The following DVL2 variants were observed in gnomAD, a reference collection of about 807,000 sequenced individuals.
The protein encoded by DVL2 is dishevelled segment polarity protein 2, also known as segment polarity protein dishevelled homolog DVL-2.
A neutral mutation model predicts 69.8 loss-of-function variants in DVL2; 38 were observed. The ratio of observed to expected loss-of-function variants is 0.54; its 90% CI spans 0.42 to 0.71. The LOEUF (loss-of-function observed/expected upper bound fraction) is 0.71, where lower values mean the gene tolerates loss of function less well. Ranked by LOEUF, DVL2 falls within the 30% of genes least tolerant of loss-of-function variation. The pLI is 0.00. For synonymous variants in DVL2, 428 were observed against 392.4 expected (o/e 1.09, Z -1.07); for missense variants, 931 against 1,008.1 (o/e 0.92, Z 1.04).
Position 7,226,610 on chromosome 17 carries a change from CGTT to C in DVL2, c.1570_1572del (p.Asn524del). 4 of 1,580,722 alleles carry C rather than the reference CGTT, an allele frequency of 2.5e-6. No homozygotes were observed. The highest frequency in any genetic ancestry group is 3.4e-6 in the Non-Finnish European group (4 of 1,165,830). ...TGGTCTGAAGCCCCACTGGAGCCATCGTTGTCATTGAGAGACAGGTTGACTAGG... is the reference window on the plus strand; with the variant it reads ...TGGTCTGAAGCCCCACTGGAGCCATCGTCATTGAGAGACAGGTTGACTAGG... On this transcript the variant is annotated inframe_deletion, in exon 14 of 15. Coordinates refer to ENST00000005340, the MANE Select transcript of DVL2 (RefSeq NM_004422.3).
At chr17:7,228,136 A>C in intron 9 of DVL2, 92 bp from the exon 10 acceptor site, 1 of 1,073,320 alleles carries the variant, frequency 9.3e-7, no homozygotes. Flanking sequence ...AAGAGACACA[A>C]AGAGGGGGAG....
intron 9 of DVL2, chr17:7,228,633 T>C (rs1408731523): frequency 3.7e-6 from 1 of 268,034 alleles, no homozygotes; most frequent in Non-Finnish European, 7.2e-6. Context: ...CAGGCTGGAG[T>C]GCAGTGGCGT....
chr17:7,233,384 T>C (rs979789467), intron 1 of DVL2, among the ~76,000 whole-genome samples: 2 of 152,028 alleles, frequency 1.3e-5, no homozygotes, highest in African/African-American at 2.4e-5. Context: ...AACCAAGTCT[T>C]GCCCCAAGAG....
intron 14 of DVL2, 33 bp downstream of exon 14, chr17:7,226,388 T>C: frequency 6.5e-7 from 1 of 1,531,224 alleles, no homozygotes; most frequent in Non-Finnish European, 8.8e-7. Context: ...CACCCTCAGA[T>C]CCTGGCCGTA....
Position 7,229,247 on chromosome 17 carries a change from A to G in DVL2, c.845T>C (p.Ile282Thr). The G allele has an allele frequency of 6.2e-7, 1 of 1,614,132 alleles. No homozygotes were observed. Among genetic ancestry groups the G allele is most frequent in the Non-Finnish European group, 8.5e-7 (1 of 1,180,022 alleles). ...MEKYNFLGIS[I>T]VGQSNERGDG... is the part of the protein sequence containing the mutation. ...TCCCCGCTCATTGCTCTGGCCAACA[A>G]TGGAGATACCCAGGAAGTTGTACTT... The change falls in exon 8 of 15, where the codon ATT becomes ACT. Residue 282 changes from isoleucine to threonine, a missense_variant. Around this residue, in one of 3 missense-constraint regions of DVL2, gnomAD observed 555 missense variants for 588.8 expected, o/e 0.94. Coordinates refer to ENST00000005340, the MANE Select transcript of DVL2 (RefSeq NM_004422.3). This position sits in a 1 kb window ranked among gnomAD's most constrained non-coding sequence, Gnocchi z 4.4.
chr17:7,228,851 G>A, intron 9 of DVL2, 118 bp downstream of exon 9: 1 of 1,022,926 alleles, frequency 9.8e-7, no homozygotes, highest in Middle Eastern at 3.1e-4. Flanking sequence ...CAAAGTGCTG[G>A]GTTTACAGGC....
At chr17:7,230,512 G>T in intron 2 of DVL2, 82 bp from the exon 3 acceptor site, 2 of 1,562,730 alleles carry the variant, frequency 1.3e-6, no homozygotes, top group Admixed American at 1.8e-5. Context: ...AATGAGAAAG[G>T]GTCTCAGAGA....
In DVL2 at chr17:7,226,511, G is replaced by A; in HGVS notation, c.1672C>T (p.Pro558Ser). ...GGAGGCTGCGGGCTGTAGGGGTGTG[G>A]GGCAGGGTATTGGTAGGAGAAAGTG... ...LPTFSYQYPA[P>S]HPYSPQPPPY... The change falls in exon 14 of 15, where the codon CCA becomes TCA. Residue 558 changes from proline (P) to serine (S), a missense_variant. This residue lies in a region of DVL2 where 314 missense variants were observed against 313.7 expected (regional missense o/e 1.00). Transcript: ENST00000005340. 1 of 1,603,118 alleles carries A rather than the reference G, an allele frequency of 6.2e-7. No individual in the cohort carries two copies. The highest frequency in any genetic ancestry group is 1.1e-5 in the South Asian group (1 of 89,704).
Position 7,230,267 on chromosome 17 carries a change from AG to A in DVL2, c.410+17del. The A allele has an allele frequency of 6.2e-7, 1 of 1,613,958 alleles. No individual in the cohort carries two copies. Among genetic ancestry groups the A allele is most frequent in the African/African-American group, 1.3e-5 (1 of 75,020 alleles). ...TCCTCACCTCCCTCCCCTGCAGTCA[AG>A]AATCTGAAGGACTCACTGGAAGGAT... On this transcript the variant is annotated intron_variant, in intron 3 of 14. Transcript: ENST00000005340.
Position 7,225,496 on chromosome 17 carries a change from A to T in DVL2, c.*369T>A. ...TACCGCTGACCACCCCCAACCCTGC[A>T]AAGGGCAGGGCTGTGGGTAACTGGA... On this transcript the variant is annotated 3_prime_UTR_variant, in exon 15 of 15. Transcript: ENST00000005340. The T allele has an allele frequency of 2.4e-6, 1 of 418,590 alleles. No homozygotes were observed. Among genetic ancestry groups the T allele is most frequent in the Non-Finnish European group, 4.4e-6 (1 of 228,300 alleles). The allele number at this position is 418,590 out of a possible 1,614,324, so 25.9% of individuals were successfully genotyped here.
rs764534021 is a variant in DVL2, at chr17:7,229,877, G to C, written c.587C>G (p.Ser196Cys). The C allele has an allele frequency of 1.2e-6, 2 of 1,611,506 alleles. No individual in the cohort carries two copies. Among genetic ancestry groups the C allele is most frequent in the Admixed American group, 3.3e-5 (2 of 60,024 alleles). The change falls in exon 5 of 15, where the codon TCT becomes TGT. Residue 196 changes from serine to cysteine, a missense_variant. This residue lies in a region of DVL2 where 555 missense variants were observed against 588.8 expected (regional missense o/e 0.94). Transcript: ENST00000005340. The surrounding 1 kb of genome is among the most constrained non-coding windows in gnomAD (Gnocchi z 4.4). ...ERHLAGYESSSTLMTSELEST... is the reference protein window; with the variant it reads ...ERHLAGYESSCTLMTSELEST... ...CTCCAGCTCGCTGGTCATGAGGGTA[G>C]AGGAGCTCTCGTATCCGGCCAGGTG... is the stretch of plus-strand genomic sequence containing the variant.
At chr17:7,230,551 G>A in intron 2 of DVL2, 121 bp from the exon 3 acceptor site, 16 of 1,411,680 alleles carry the variant, frequency 1.1e-5, no homozygotes, top group Admixed American at 2.1e-5. Context: ...AACCTAGCAA[G>A]TATTAGAGAC....
rs778942785 is a variant in DVL2, at chr17:7,229,560, C to T, written c.747+28G>A. 5 of 1,593,566 alleles carry T rather than the reference C, an allele frequency of 3.1e-6. No homozygotes were observed. Among genetic ancestry groups the T allele is most frequent in the Non-Finnish European group, 2.6e-6 (3 of 1,169,624 alleles). ...AAGCCCATGCCCCACCTTCTCCCAG[C>T]ACCAGCCTTCCTGTAGGAACCCCTC... On this transcript the variant is annotated intron_variant, in intron 6 of 14. Coordinates refer to ENST00000005340, the MANE Select transcript of DVL2 (RefSeq NM_004422.3). The surrounding 1 kb of genome is among the most constrained non-coding windows in gnomAD (Gnocchi z 4.4).
chr17:7,226,321 G>A lies in DVL2; in HGVS notation c.1763-8C>T, dbSNP rs755993922. The A allele has an allele frequency of 2.6e-6, 4 of 1,551,060 alleles. No individual in the cohort carries two copies. The highest frequency in any genetic ancestry group is 1.4e-5 in the African/African-American group (1 of 72,842). On this transcript the variant is annotated splice_polypyrimidine_tract_variant and splice_region_variant and intron_variant, in intron 14 of 14. Coordinates refer to ENST00000005340, the MANE Select transcript of DVL2 (RefSeq NM_004422.3). ...ACCCACTGCTCCGGCTGCCTGTGGA[G>A]GGAGGGGAGGGGCAACTGAGTCCTC...
At position 7,228,974 on chromosome 17, in the gene DVL2, C is replaced by G. The variant is rs2071499601; in HGVS notation, c.1029G>C (p.Lys343Asn). 1 of 1,614,148 alleles carries G rather than the reference C, an allele frequency of 6.2e-7. No homozygotes were observed. The highest frequency in any genetic ancestry group is 2.2e-5 in the East Asian group (1 of 44,880). Residue 343 changes from lysine to asparagine, a missense_variant, in exon 9 of 15, where the codon AAG (lysine) becomes AAC (asparagine). Physicochemically the swap from Lys to Asn is moderately conservative, Grantham distance 94. Transcript: ENST00000005340. ...AVRVLRDIVH[K>N]PGPIVLTVAK... ...CAACCTGCTTGGCAACTCACCCAGG[C>G]TTGTGCACAATGTCCCTCAGCACCC...
In DVL2 at chr17:7,229,761, G is replaced by A. The variant is rs1423611711; in HGVS notation, c.656+47C>T. The A allele has an allele frequency of 1.3e-6, 2 of 1,591,452 alleles. No homozygotes were observed. The highest frequency in any genetic ancestry group is 2.2e-5 in the South Asian group (2 of 89,982). ...GAAAGAACAAGAGGATTGACTGGAA[G>A]ACGAGACGGGGCTGGGTGCGCTGGG... On this transcript the variant is annotated intron_variant, in intron 5 of 14. Coordinates refer to ENST00000005340, the MANE Select transcript of DVL2 (RefSeq NM_004422.3). The surrounding 1 kb of genome is among the most constrained non-coding windows in gnomAD (Gnocchi z 4.4).
rs775673537 is a variant in DVL2, at chr17:7,230,053, C to T, written c.513G>A (p.Glu171=). The T allele has an allele frequency of 1.2e-6, 2 of 1,613,990 alleles. No homozygotes were observed. The highest frequency in any genetic ancestry group is 1.7e-5 in the Admixed American group (1 of 60,032). ...CCCAGGCCTGCCCCTCACCGCCATG[C>T]TCACTGCTGTCTCTCCTGCGAGGCC... ...RERPRRRDSS[E]HGAGGHRTGG... Residue 171 remains glutamate, a synonymous_variant, in exon 4 of 15, where the codon GAG becomes GAA. Coordinates refer to ENST00000005340, the MANE Select transcript of DVL2 (RefSeq NM_004422.3).
At chr17:7,233,422 T>C (rs530451442) in intron 1 of DVL2, among the ~76,000 whole-genome samples, 1 of 151,960 alleles carries the variant, frequency 6.6e-6, no homozygotes, top group Non-Finnish European at 1.5e-5. Context: ...TACAACCCAG[T>C]AGAGTCCATA....
Position 7,226,042 on chromosome 17 carries a change from G to T in DVL2, c.2034C>A (p.Asn678Lys). 1.2e-6 allele frequency: 2 copies of T among 1,610,174 alleles called. No individual in the cohort carries two copies. Among genetic ancestry groups the T allele is most frequent in the Non-Finnish European group, 1.7e-6 (2 of 1,177,936 alleles). Residue 678 changes from asparagine (N) to lysine (K), a missense_variant, in exon 15 of 15, where the codon AAC (asparagine) becomes AAA (lysine). By Grantham distance (94) the Asn-to-Lys change is moderately conservative. Transcript: ENST00000005340. Reference protein sequence around the residue: ...GPPPGMALPYNPMMVVMMPPP... With the variant: ...GPPPGMALPYKPMMVVMMPPP... ...GGGGCATCATGACCACCATCATGGG[G>T]TTGTAGGGGAGGGCCATGCCAGGGG...
Sources: gnomAD v4.1 joint callset for allele counts (sites outside exome capture counted in the v4.1 genomes callset) on GRCh38, gnomAD v4.1.1 for gene constraint, gnomAD v4.1.1 regional missense constraint, Gnocchi (gnomAD v3.1) non-coding constraint, MANE v1.5 for transcripts, NCBI Gene and HGNC (gene_info 2026-07-23, HGNC 2026-07-21) for gene names.